CFAP61: variants seen among roughly 807,000 people sequenced by gnomAD.
CFAP61 encodes the protein cilia and flagella associated protein 61, also known as cilia- and flagella-associated protein 61.
Under a neutral mutation model 135.6 loss-of-function variants are expected in CFAP61, and 107 were observed. That is an observed-to-expected ratio of 0.79 (90% CI 0.67 to 0.93). The LOEUF is 0.93. Ranked by LOEUF, CFAP61 falls within the 40% of genes least tolerant of loss-of-function variation. The pLI is 0.00. For missense variants in CFAP61, 1,507 were observed against 1,556.2 expected, an observed-to-expected ratio of 0.97 and a Z score of 0.53; for synonymous variants, 575 against 578.5, an observed-to-expected ratio of 0.99 and a Z score of 0.09.
intron 2 of CFAP61, among the ~76,000 whole-genome samples, chr20:20,064,966 T>C (rs910299330): frequency 1.3e-5 from 2 of 152,138 alleles, no homozygotes; most frequent in East Asian, 3.9e-4. Flanking sequence ...AGTGTGGTAA[T>C]TTGCAGGGAA....
intron 13 of CFAP61, chr20:20,171,723 T>G: frequency 1.5e-6 from 1 of 646,624 alleles, no homozygotes; most frequent in Non-Finnish European, 2.8e-6. Context: ...TAAAAACATT[T>G]TGCTAACTGT....
chr20:20,200,670 G>T, intron 17 of CFAP61: 1 of 981,164 alleles, frequency 1.0e-6, no homozygotes, highest in Non-Finnish European at 1.2e-6. Context: ...GCTAACATTT[G>T]TCCTTTGTGA....
intron 26 of CFAP61, among the ~76,000 whole-genome samples, chr20:20,357,024 A>G: frequency 2.4e-5 from 2 of 84,994 alleles, no homozygotes; most frequent in Admixed American, 1.3e-4. Flanking sequence ...CTGTGAGGGG[A>G]GGTGGTCACA....
chr20:20,250,460 G>A (rs899382849), intron 19 of CFAP61, among the ~76,000 whole-genome samples: 10 of 152,124 alleles, frequency 6.6e-5, no homozygotes, highest in African/African-American at 1.9e-4. Flanking sequence ...GAAGAGGACT[G>A]TGCTGCCAAG....
At position 20,263,128 on chromosome 20, in the gene CFAP61, A is replaced by G. The variant is rs2052402535; in HGVS notation, c.2501A>G (p.Glu834Gly). ...ATAAGGAATAACTCCATCACCACAG[A>G]AGGTAAGGATGTCGGTAACTGTGCA... ...IWIRNNSITT[E>G]GNIIVYGNTI... is the part of the protein sequence containing the mutation. The change falls in exon 21 of 27, where the codon GAA becomes GGA. Residue 834 changes from glutamate (E) to glycine (G), a missense_variant and splice_region_variant. Glu to Gly is a moderately conservative substitution (Grantham distance 98). Coordinates refer to ENST00000245957, the MANE Select transcript of CFAP61 (RefSeq NM_015585.4). 6.2e-7 allele frequency: 1 copy of G among 1,610,260 alleles called. No homozygotes were observed. Among genetic ancestry groups the G allele is most frequent in the Non-Finnish European group, 8.5e-7 (1 of 1,177,484 alleles).
chr20:20,299,274 A>G (rs1342847368), intron 25 of CFAP61, among the ~76,000 whole-genome samples: 1 of 152,242 alleles, frequency 6.6e-6, no homozygotes, highest in African/African-American at 2.4e-5. Flanking sequence ...TCCTTAACTT[A>G]GCAGTCAGGA....
intron 9 of CFAP61, 67 bp downstream of exon 9, chr20:20,143,015 G>A: frequency 1.1e-6 from 1 of 909,846 alleles, no homozygotes; most frequent in South Asian, 1.5e-5. Context: ...GTGACATCAG[G>A]GGCATCTCTG....
chr20:20,179,262 T>A lies in CFAP61; in HGVS notation c.1386-8668T>A, dbSNP rs558676323. On this transcript the variant is annotated intron_variant, in intron 13 of 26. Coordinates refer to ENST00000245957, the MANE Select transcript of CFAP61 (RefSeq NM_015585.4). The stretch of plus-strand genomic sequence containing the variant: ...GTCAAGCCTAGAGTCAAATCAAGAG[T>A]GCAATCCCATTCACAATTGCCACAA... 4.3e-4 allele frequency among the ~76,000 whole-genome samples: 65 copies of A among 151,992 alleles called. No homozygotes were observed. The South Asian group carries it at 0.011, about 25-fold the overall frequency.
Position 20,169,343 on chromosome 20 carries a change from C to G in CFAP61, c.1268C>G (p.Ser423Cys), listed in dbSNP as rs762009872. ...TAGGATAAGAACTTCTGTGTAATTTCTCTGCCCCATCTCACCCCCGAGTTC... is the reference window on the plus strand; with the variant it reads ...TAGGATAAGAACTTCTGTGTAATTTGTCTGCCCCATCTCACCCCCGAGTTC... ...LFSDKNFCVI[S>C]LPHLTPEFFL... The change falls in exon 13 of 27, where the codon TCT becomes TGT. Residue 423 changes from serine to cysteine, a missense_variant. By Grantham distance (112) the Ser-to-Cys change is moderately radical (BLOSUM62 -1). Transcript: ENST00000245957. 6 of 1,613,722 alleles carry G rather than the reference C, an allele frequency of 3.7e-6. No homozygotes were observed. The highest frequency in any genetic ancestry group is 5.1e-6 in the Non-Finnish European group (6 of 1,179,850).
At chr20:20,337,478 A>G (rs371549800) in intron 25 of CFAP61, among the ~76,000 whole-genome samples, 3 of 142,122 alleles carry the variant, frequency 2.1e-5, no homozygotes, top group Non-Finnish European at 3.1e-5. Context: ...GGGTGGGTGG[A>G]TGGATGGATG....
chr20:20,135,453 C>A (rs1169277207), intron 8 of CFAP61, among the ~76,000 whole-genome samples: 3 of 152,178 alleles, frequency 2.0e-5, no homozygotes, highest in Non-Finnish European at 2.9e-5. Context: ...CTTACTCACT[C>A]TTCAGAAAGA....
chr20:20,330,271 A>G lies in CFAP61; in HGVS notation c.3423-11560A>G, dbSNP rs373443072. 2.6e-5 allele frequency among the ~76,000 whole-genome samples: 4 copies of G among 152,294 alleles called. No homozygotes were observed. The East Asian group carries it at 7.7e-4, about 29-fold the overall frequency. On this transcript the variant is annotated intron_variant, in intron 25 of 26. Transcript: ENST00000245957. ...ATAAGCTATTTTACATTTTTGTTGC[A>G]TTATCTTCAAAATTCAGTGTGTATT...
At chr20:20,102,996 G>C (rs954172887) in intron 8 of CFAP61, among the ~76,000 whole-genome samples, 1 of 152,074 alleles carries the variant, frequency 6.6e-6, no homozygotes, top group African/African-American at 2.4e-5. Context: ...TTTCCCTGGA[G>C]GTCTGGCTGG....
Position 20,269,171 on chromosome 20 carries a change from A to G in CFAP61, c.2503+6041A>G, listed in dbSNP as rs79465891. On this transcript the variant is annotated intron_variant, in intron 21 of 26. Transcript: ENST00000245957. ...TACACACACACACACACACATACATATATGTATATACACACACATATATAC... is the reference window on the plus strand; with the variant it reads ...TACACACACACACACACACATACATGTATGTATATACACACACATATATAC... Among the ~76,000 whole-genome samples, 48 of 95,352 alleles carry G rather than the reference A, an allele frequency of 5.0e-4. 2 individuals are homozygous for G. The highest frequency in any genetic ancestry group is 7.0e-3 in the Middle Eastern group (1 of 142). The allele number at this position is 95,352 out of a possible 152,430, so 62.6% of individuals were successfully genotyped here.
At chr20:20,207,098 A>G (rs542532800) in intron 17 of CFAP61, among the ~76,000 whole-genome samples, 2 of 152,350 alleles carry the variant, frequency 1.3e-5, no homozygotes, top group East Asian at 1.9e-4. Flanking sequence ...TTTCTAAAAT[A>G]AAACCTCTGT....
chr20:20,332,836 G>T (rs896731952), intron 25 of CFAP61, among the ~76,000 whole-genome samples: 27 of 152,068 alleles, frequency 1.8e-4, no homozygotes, highest in African/African-American at 6.5e-4. Flanking sequence ...GCCCAGACTG[G>T]TCTCAAGCTC....
At chr20:20,305,070 A>G (rs914993612) in intron 25 of CFAP61, among the ~76,000 whole-genome samples, 13 of 152,200 alleles carry the variant, frequency 8.5e-5, no homozygotes, top group African/African-American at 2.9e-4. Flanking sequence ...TAACATGCTC[A>G]GCTCTCAAAG....
chr20:20,144,627 A>G (rs1291673281), intron 9 of CFAP61, among the ~76,000 whole-genome samples: 1 of 152,058 alleles, frequency 6.6e-6, no homozygotes, highest in East Asian at 1.9e-4. Flanking sequence ...ACACATTCGA[A>G]GAAATAATGA....
intron 17 of CFAP61, among the ~76,000 whole-genome samples, chr20:20,218,290 T>G (rs555486611): frequency 1.3e-5 from 2 of 152,340 alleles, no homozygotes; most frequent in African/African-American, 4.8e-5. Flanking sequence ...CGAGATCTCA[T>G]GAGCTTATCA....
Sources: allele counts gnomAD v4.1 joint callset (sites outside exome capture counted in the v4.1 genomes callset), GRCh38; gene constraint gnomAD v4.1.1; transcripts MANE v1.5; gene names NCBI Gene and HGNC (gene_info 2026-07-23, HGNC 2026-07-21).